CCDC73: variants seen among roughly 807,000 people sequenced by gnomAD.
The protein encoded by CCDC73 is coiled-coil domain-containing protein 73.
CCDC73 carries 95 observed loss-of-function variants against 116.5 expected under a neutral mutation model. That is an observed-to-expected ratio of 0.82 (90% CI 0.69 to 0.97). The LOEUF (loss-of-function observed/expected upper bound fraction) is 0.97, where lower values mean the gene tolerates loss of function less well. CCDC73 is among the 50% of genes least tolerant of loss of function. CCDC73 has a pLI of 0.00. For synonymous variants in CCDC73, 398 were observed against 401.3 expected (o/e 0.99, Z 0.10); for missense variants, 1,066 against 1,206.8 (o/e 0.88, Z 1.73).
chr11:32,745,755 T>G (rs1298264118), intron 2 of CCDC73, among the ~76,000 whole-genome samples: 3 of 150,610 alleles, frequency 2.0e-5, no homozygotes, highest in South Asian at 2.1e-4. Flanking sequence ...GTTTTTTTTT[T>G]TTTTTTGCTT....
chr11:32,795,478 AAG>A (rs68057603), upstream of CCDC73, among the ~76,000 whole-genome samples: 63,966 of 128,488 alleles, frequency 0.5, 13,886 homozygotes, highest in East Asian at 0.81. Flanking sequence ...CAAAAAAAAA[AAG>A]AAAAGAAAAG....
intron 2 of CCDC73, among the ~76,000 whole-genome samples, chr11:32,759,327 C>CT (rs1208029392): frequency 0.31 from 40,768 of 129,884 alleles, 7,342 homozygotes; most frequent in East Asian, 0.77. Flanking sequence ...ACATTTTTTC[C>CT]TTTTTTTTTT....
intron 1 of CCDC73, among the ~76,000 whole-genome samples, chr11:32,784,159 G>A (rs1014465724): frequency 4.6e-5 from 7 of 152,010 alleles, no homozygotes; most frequent in African/African-American, 1.2e-4. Flanking sequence ...GAGAAACCCC[G>A]TCTCTACTAA....
the CCDC73 span, among the ~76,000 whole-genome samples, chr11:32,816,403 G>C: frequency 9.9e-5 from 15 of 152,048 alleles, no homozygotes; most frequent in African/African-American, 3.6e-4. Context: ...ACATATAACT[G>C]TTCCCAGTGT....
At chr11:32,721,134 C>A (rs1181949523) in intron 2 of CCDC73, among the ~76,000 whole-genome samples, 2 of 152,190 alleles carry the variant, frequency 1.3e-5, no homozygotes, top group Non-Finnish European at 2.9e-5. Flanking sequence ...AAGCAATTCT[C>A]CTGCCTCAGC....
the CCDC73 span, among the ~76,000 whole-genome samples, chr11:32,813,032 C>A: frequency 6.6e-6 from 1 of 152,076 alleles, no homozygotes; most frequent in African/African-American, 2.4e-5. Flanking sequence ...TCTGAATTTT[C>A]CTCTGAATAT....
Position 32,654,958 on chromosome 11 carries a change from T to G in CCDC73, c.660A>C (p.Ala220=). ...ICSLKKELKK[A]ASDLIKSKVT... ...CTTTGGACTTTATCAAGTCTGAGGC[T>G]GCTTTTTTTAGTTCCTTAATAAGAA... Residue 220 remains alanine (A), a synonymous_variant, in exon 10 of 18, where the codon GCA becomes GCC. Transcript: ENST00000335185. 1 of 1,591,592 alleles carries G rather than the reference T, an allele frequency of 6.3e-7. No individual in the cohort carries two copies. The highest frequency in any genetic ancestry group is 8.5e-7 in the Non-Finnish European group (1 of 1,174,454).
At chr11:32,739,863 T>C (rs1850168204) in intron 2 of CCDC73, among the ~76,000 whole-genome samples, 1 of 152,158 alleles carries the variant, frequency 6.6e-6, no homozygotes, top group Non-Finnish European at 1.5e-5. Context: ...GCTCCTTTTA[T>C]ATCCAGTTTT....
intron 12 of CCDC73, among the ~76,000 whole-genome samples, chr11:32,645,435 G>A (rs559649054): frequency 4.0e-5 from 6 of 151,874 alleles, no homozygotes; most frequent in South Asian, 2.1e-4. Context: ...GGGATTACAG[G>A]TGCATACCAC....
Position 32,750,105 on chromosome 11 carries a change from C to T in CCDC73, c.135+10004G>A, listed in dbSNP as rs200926332. 1.3e-4 allele frequency among the ~76,000 whole-genome samples: 20 copies of T among 152,178 alleles called. No individual in the cohort carries two copies. The East Asian group carries it at 1.7e-3, about 13-fold the overall frequency. On this transcript the variant is annotated intron_variant, in intron 2 of 17. Transcript: ENST00000335185. ...CAGCCTGGTCTCAAACTCCTGACCT[C>T]GTGATCCGCCTGCCTCAGCCTCCCA...
chr11:32,666,323 A>G (rs953555948), intron 9 of CCDC73, among the ~76,000 whole-genome samples: 2 of 152,120 alleles, frequency 1.3e-5, no homozygotes, highest in Admixed American at 1.3e-4. Flanking sequence ...TGGTCTTTTC[A>G]CATAGTCCCA....
intron 1 of CCDC73, among the ~76,000 whole-genome samples, chr11:32,782,052 G>C (rs1850589007): frequency 6.6e-6 from 1 of 152,154 alleles, no homozygotes; most frequent in Non-Finnish European, 1.5e-5. Flanking sequence ...AAACCCTGTT[G>C]TGAACTGTGC....
At chr11:32,660,229 CAAAAAAAAAA>C (rs11310092) in intron 9 of CCDC73, among the ~76,000 whole-genome samples, 10 of 66,516 alleles carry the variant, frequency 1.5e-4, no homozygotes, top group South Asian at 7.5e-4. Flanking sequence ...TTCTCTCTAC[CAAAAAAAAAA>C]AAAAAAAAAA....
At chr11:32,817,622 A>G in the CCDC73 span, among the ~76,000 whole-genome samples, 1 of 152,076 alleles carries the variant, frequency 6.6e-6, no homozygotes, top group African/African-American at 2.4e-5. Flanking sequence ...GGTTCCTATG[A>G]CACTATTCTC....
At chr11:32,805,343 C>T in the CCDC73 span, among the ~76,000 whole-genome samples, 3 of 152,218 alleles carry the variant, frequency 2.0e-5, no homozygotes, top group Non-Finnish European at 4.4e-5. Context: ...CACCTAAAGA[C>T]TGCTTACAAA....
At chr11:32,680,164 T>C (rs1565074551) in intron 7 of CCDC73, 1 of 152,184 alleles carries the variant, frequency 6.6e-6, no homozygotes, top group Non-Finnish European at 1.5e-5. Flanking sequence ...ACTAATTTCA[T>C]GACTATCAAC....
chr11:32,805,125 C>T, the CCDC73 span, among the ~76,000 whole-genome samples: 169 of 152,320 alleles, frequency 1.1e-3, no homozygotes, highest in Non-Finnish European at 1.7e-3. Flanking sequence ...TTCCATTACT[C>T]AGGCTGAGTA....
At chr11:32,748,718 A>T (rs1850261998) in intron 2 of CCDC73, among the ~76,000 whole-genome samples, 1 of 152,218 alleles carries the variant, frequency 6.6e-6, no homozygotes, top group African/African-American at 2.4e-5. Context: ...ACTTCTCTTT[A>T]GCATTTCTTG....
rs1479856892 is a variant in CCDC73 at position 32,682,831 on chromosome 11, C to T, written c.429+705G>A. 2.0e-5 allele frequency: 3 copies of T among 151,870 alleles called. No homozygotes were observed. In the East Asian group the frequency reaches 5.8e-4, roughly 29 times the overall value. The allele number at this position is 151,870 out of a possible 1,614,324, so 9.4% of individuals were successfully genotyped here. On this transcript the variant is annotated intron_variant, in intron 7 of 17. Coordinates refer to ENST00000335185, the MANE Select transcript of CCDC73 (RefSeq NM_001008391.4). ...TAACAGACTATAAAAGAGGAATGCACAGTAAATAAATATTTGTTGAACAAT... is the reference window on the plus strand; with the variant it reads ...TAACAGACTATAAAAGAGGAATGCATAGTAAATAAATATTTGTTGAACAAT...
Sources: allele counts gnomAD v4.1 joint callset (sites outside exome capture counted in the v4.1 genomes callset), GRCh38; gene constraint gnomAD v4.1.1; transcripts MANE v1.5; gene names NCBI Gene and HGNC (gene_info 2026-07-23, HGNC 2026-07-21).